The following PDZRN3 variants were observed in gnomAD, a reference collection of about 807,000 sequenced individuals.
PDZRN3 encodes PDZ domain containing ring finger 3.
A neutral mutation model predicts 85.7 loss-of-function variants in PDZRN3; 38 were observed. The observed-to-expected ratio is 0.44, with a 90% CI of 0.34 to 0.58. The LOEUF is 0.58. Ranked by LOEUF, PDZRN3 falls within the 20% of genes least tolerant of loss-of-function variation. PDZRN3 has a pLI of 0.01. For missense variants in PDZRN3, 1,629 were observed against 1,506.4 expected (o/e 1.08, Z -1.35); for synonymous variants, 759 against 638.0 (o/e 1.19, Z -2.86).
At position 73,392,354 on chromosome 3, in the gene PDZRN3, A is replaced by T. The variant is rs146360321; in HGVS notation, c.1255-1238T>A. 5.2e-4 allele frequency among the ~76,000 whole-genome samples: 79 copies of T among 152,352 alleles called. No homozygotes were observed. The East Asian group carries it at 0.015, about 29-fold the overall frequency. On this transcript the variant is annotated intron_variant, in intron 5 of 9. Coordinates refer to ENST00000263666, the MANE Select transcript of PDZRN3 (RefSeq NM_015009.3). ...ACCCATCAAAAGGTTTTAAGTGAGGACTGCCATGATCTTAACGACTTTCAG... is the reference window on the plus strand; with the variant it reads ...ACCCATCAAAAGGTTTTAAGTGAGGTCTGCCATGATCTTAACGACTTTCAG...
Position 73,522,129 on chromosome 3 carries a change from C to T in PDZRN3, c.918+80225G>A, listed in dbSNP as rs1351110519. Among the ~76,000 whole-genome samples the T allele has an allele frequency of 3.9e-5, 6 of 152,170 alleles. No homozygotes were observed. In the South Asian group the frequency reaches 8.3e-4, roughly 21 times the overall value. On this transcript the variant is annotated intron_variant, in intron 3 of 9. Transcript: ENST00000263666. ...CATTCACTTTCATCTTGTCGACGGC[C>T]GCTTTCATGCCACGTCAGTAGTGCT...
chr3:73,593,707 TATAC>T lies in PDZRN3; in HGVS notation c.918+8643_918+8646del, dbSNP rs745427736. On this transcript the variant is annotated intron_variant, in intron 3 of 9. Transcript: ENST00000263666. ...AATTCTTACTGTTTACCGAAATAAATATACACACACACACACACACACACACACA... is the reference window on the plus strand; with the variant it reads ...AATTCTTACTGTTTACCGAAATAAATACACACACACACACACACACACACA... Among the ~76,000 whole-genome samples, 583 of 100,984 alleles carry T rather than the reference TATAC, an allele frequency of 5.8e-3. 2 individuals are homozygous for T. The highest frequency in any genetic ancestry group is 0.025 in the East Asian group (89 of 3,550). 66.2% of individuals were successfully genotyped at this position (100,984 alleles called of 152,430 possible).
rs772512983 is a variant in PDZRN3 at position 73,383,380 on chromosome 3, C to A, written c.3186G>T (p.Ser1062=). ...GAAGTGAAAATTATACAGTAGTCACCGATAGGAAGGAATTGTATACTCTAG... is the reference window on the plus strand; with the variant it reads ...GAAGTGAAAATTATACAGTAGTCACAGATAGGAAGGAATTGTATACTCTAG... ...DGTRVYNSFL[S]VTTV is the part of the protein sequence containing the mutation. The change falls in exon 10 of 10, where the codon TCG becomes TCT. Residue 1062 remains serine (S), a synonymous_variant. Transcript: ENST00000263666. The A allele has an allele frequency of 1.2e-6, 2 of 1,608,940 alleles. No homozygotes were observed. Among genetic ancestry groups the A allele is most frequent in the Non-Finnish European group, 1.7e-6 (2 of 1,177,394 alleles).
At chr3:73,505,437 T>C (rs1330151930) in intron 3 of PDZRN3, among the ~76,000 whole-genome samples, 5 of 152,124 alleles carry the variant, frequency 3.3e-5, no homozygotes, top group Non-Finnish European at 5.9e-5. Context: ...GAAATAATAA[T>C]GCAAAAATAC....
intron 3 of PDZRN3, among the ~76,000 whole-genome samples, chr3:73,457,083 T>C (rs1702999446): frequency 1.3e-5 from 2 of 151,844 alleles, no homozygotes; most frequent in Admixed American, 1.3e-4. Flanking sequence ...CTTAGCTCAC[T>C]TTTTTTTGAG....
At chr3:73,565,493 G>A (rs1701927072) in intron 3 of PDZRN3, among the ~76,000 whole-genome samples, 1 of 152,102 alleles carries the variant, frequency 6.6e-6, no homozygotes, top group African/African-American at 2.4e-5. Context: ...ATCTGAAAAG[G>A]AGAGAAGGTT....
chr3:73,420,594 G>C (rs1702180299), intron 3 of PDZRN3, among the ~76,000 whole-genome samples: 1 of 152,170 alleles, frequency 6.6e-6, no homozygotes, highest in Non-Finnish European at 1.5e-5. Flanking sequence ...TAGCACCAAT[G>C]ATCTCTGAAG....
chr3:73,584,512 T>C (rs1421763349), intron 3 of PDZRN3, among the ~76,000 whole-genome samples: 2 of 148,562 alleles, frequency 1.3e-5, no homozygotes, highest in Admixed American at 6.7e-5. Context: ...TGCATATGCG[T>C]TGTGGATAAG....
At chr3:73,400,035 G>T (rs1415368478) in intron 5 of PDZRN3, among the ~76,000 whole-genome samples, 1 of 152,140 alleles carries the variant, frequency 6.6e-6, no homozygotes, top group Non-Finnish European at 1.5e-5. Flanking sequence ...CAGAAGTATT[G>T]GTAGGACAGC....
intron 3 of PDZRN3, among the ~76,000 whole-genome samples, chr3:73,515,614 C>T (rs921316092): frequency 1.3e-5 from 2 of 152,136 alleles, no homozygotes; most frequent in South Asian, 2.1e-4. Context: ...TTTTAAAGAT[C>T]GATTTCCACA....
At chr3:73,462,049 C>A (rs1461891039) in intron 3 of PDZRN3, among the ~76,000 whole-genome samples, 1 of 152,108 alleles carries the variant, frequency 6.6e-6, no homozygotes. Context: ...ACATTGATAC[C>A]ATATATCATT....
chr3:73,510,588 T>TC (rs1704146662), intron 3 of PDZRN3, among the ~76,000 whole-genome samples: 2 of 152,228 alleles, frequency 1.3e-5, no homozygotes, highest in East Asian at 3.9e-4. Context: ...AGAGATCGAC[T>TC]CCTGCAGTGG....
intron 2 of PDZRN3, among the ~76,000 whole-genome samples, chr3:73,604,970 C>T (rs886290639): frequency 5.3e-5 from 8 of 152,156 alleles, no homozygotes; most frequent in Non-Finnish European, 1.0e-4. Flanking sequence ...CCTGCAATCC[C>T]AGCACTTTGG....
chr3:73,569,326 A>C lies in PDZRN3; in HGVS notation c.918+33028T>G, dbSNP rs964906222. On this transcript the variant is annotated intron_variant, in intron 3 of 9. Transcript: ENST00000263666. ...CTCTCAAAACAGCCTCAGGTGAACC[A>C]GGAGAATAAGCAGGTTAATAATCTT... 2.5e-6 allele frequency: 3 copies of C among 1,223,264 alleles called. No homozygotes were observed. The African/African-American group carries it at 4.7e-5, about 19-fold the overall frequency. 75.8% of individuals were successfully genotyped at this position (1,223,264 alleles called of 1,614,324 possible).
intron 3 of PDZRN3, among the ~76,000 whole-genome samples, chr3:73,423,935 A>G (rs1055127100): frequency 9.8e-5 from 15 of 152,308 alleles, no homozygotes; most frequent in African/African-American, 3.6e-4. Context: ...AAACCTACCA[A>G]CCACAGAGGG....
chr3:73,610,777 T>G (rs1702672375), intron 1 of PDZRN3, among the ~76,000 whole-genome samples: 3 of 152,134 alleles, frequency 2.0e-5, no homozygotes. Context: ...TTTAAAAGAT[T>G]GGTCTTCAAT....
chr3:73,601,679 T>C (rs1387035857), intron 3 of PDZRN3, among the ~76,000 whole-genome samples: 1 of 152,176 alleles, frequency 6.6e-6, no homozygotes, highest in Non-Finnish European at 1.5e-5. Flanking sequence ...CAGAGCATCC[T>C]AGAACACTGC....
chr3:73,516,089 T>C (rs891545077), intron 3 of PDZRN3, among the ~76,000 whole-genome samples: 1 of 152,232 alleles, frequency 6.6e-6, no homozygotes, highest in Non-Finnish European at 1.5e-5. Context: ...TATAGATGTA[T>C]TGTTATTTAA....
chr3:73,549,977 T>C (rs1701513619), intron 3 of PDZRN3, among the ~76,000 whole-genome samples: 1 of 152,232 alleles, frequency 6.6e-6, no homozygotes, highest in Non-Finnish European at 1.5e-5. Context: ...GGGCCCTGGC[T>C]GCCTGTTAGT....
Sources: gnomAD v4.1 joint callset for allele counts (sites outside exome capture counted in the v4.1 genomes callset) on GRCh38, gnomAD v4.1.1 for gene constraint, MANE v1.5 for transcripts, NCBI Gene and HGNC (gene_info 2026-07-23, HGNC 2026-07-21) for gene names.